RBPMS2: variants seen among roughly 807,000 people sequenced by gnomAD.
RBPMS2 encodes RNA binding protein, mRNA processing factor 2, also known as RNA-binding protein with multiple splicing 2.
A neutral mutation model predicts 25.7 loss-of-function variants in RBPMS2; 14 were observed. That is an observed-to-expected ratio of 0.55 (90% CI 0.36 to 0.85). The LOEUF is 0.85. Among genes scored for constraint, RBPMS2 ranks in the 40% least tolerant of loss-of-function variants. The probability of loss-of-function intolerance (pLI) is 0.01; values close to 1 mark genes in which losing one functional copy is unlikely to be tolerated. For missense variants in RBPMS2, 252 were observed against 283.4 expected, an observed-to-expected ratio of 0.89 and a Z score of 0.80; for synonymous variants, 127 against 115.6, an observed-to-expected ratio of 1.10 and a Z score of -0.63.
At chr15:64,768,170 C>T (rs1351496266) in intron 1 of RBPMS2, among the ~76,000 whole-genome samples, 2 of 152,156 alleles carry the variant, frequency 1.3e-5, no homozygotes, top group Non-Finnish European at 2.9e-5. Flanking sequence ...AAAGTAGTCA[C>T]GCCCAGGTAC....
intron 1 of RBPMS2, among the ~76,000 whole-genome samples, chr15:64,766,587 G>T (rs376510308): frequency 2.0e-5 from 3 of 151,054 alleles, no homozygotes; most frequent in Admixed American, 6.6e-5. Context: ...ACTGCATGAC[G>T]CAATCTCAGC....
chr15:64,759,417 C>T (rs940559716), intron 1 of RBPMS2, among the ~76,000 whole-genome samples: 14 of 152,188 alleles, frequency 9.2e-5, no homozygotes, highest in African/African-American at 3.4e-4. Flanking sequence ...AATGTTCTTC[C>T]TCCACAGCCC....
chr15:64,745,495 T>C (rs758036547), intron 6 of RBPMS2, among the ~76,000 whole-genome samples: 3 of 152,154 alleles, frequency 2.0e-5, no homozygotes. Context: ...AGGTCACTGG[T>C]AAATGGGTGA....
rs1365628745 is a variant in RBPMS2, at chr15:64,774,744, C to G, written c.87+489G>C. On this transcript the variant is annotated intron_variant, in intron 1 of 7. Transcript: ENST00000300069. ...GCAGGAACCGAGGAGCCGGCCGGCC[C>G]AGGCCTCCAAGGTCACGGGGAGGGG... Among the ~76,000 whole-genome samples, 5 of 16,088 alleles carry G rather than the reference C, an allele frequency of 3.1e-4. No homozygotes were observed. In the East Asian group the frequency reaches 0.016, roughly 50 times the overall value. 10.6% of individuals were successfully genotyped at this position (16,088 alleles called of 152,430 possible).
intron 6 of RBPMS2, among the ~76,000 whole-genome samples, chr15:64,744,617 C>T (rs1359553022): frequency 6.8e-6 from 1 of 147,690 alleles, no homozygotes; most frequent in African/African-American, 2.5e-5. Flanking sequence ...GAAGTACACA[C>T]AAGGATATCC....
intron 1 of RBPMS2, among the ~76,000 whole-genome samples, chr15:64,773,732 G>A (rs2083907635): frequency 6.6e-6 from 1 of 151,968 alleles, no homozygotes; most frequent in Non-Finnish European, 1.5e-5. Flanking sequence ...CAGCTTTATA[G>A]GAGACATGCT....
At chr15:64,741,077 T>A (rs1024283043) in intron 7 of RBPMS2, 77 bp from the exon 8 acceptor site, 4 of 951,542 alleles carry the variant, frequency 4.2e-6, no homozygotes, top group South Asian at 3.0e-5. Flanking sequence ...TGGGCTCGGC[T>A]AAGCTCTTGA....
intron 1 of RBPMS2, chr15:64,762,286 C>CT: frequency 2.1e-6 from 1 of 473,900 alleles, no homozygotes; most frequent in South Asian, 1.6e-5. Context: ...ACGAGACTGA[C>CT]TGACAGACTG....
chr15:64,750,048 C>A (rs2083661147), intron 3 of RBPMS2, among the ~76,000 whole-genome samples: 1 of 150,754 alleles, frequency 6.6e-6, no homozygotes. Flanking sequence ...AAGAGCAAAA[C>A]TCCATCTCAA....
intron 1 of RBPMS2, among the ~76,000 whole-genome samples, chr15:64,752,305 G>A (rs1237143566): frequency 6.6e-6 from 1 of 152,098 alleles, no homozygotes; most frequent in Non-Finnish European, 1.5e-5. Flanking sequence ...CCTCCTGGTA[G>A]AGAGCCTCCA....
intron 1 of RBPMS2, among the ~76,000 whole-genome samples, chr15:64,771,466 T>C (rs2083892607): frequency 6.6e-6 from 1 of 152,152 alleles, no homozygotes; most frequent in African/African-American, 2.4e-5. Context: ...ATGGACCACT[T>C]GAGGTCAGGA....
chr15:64,753,424 AG>A (rs1340973678), intron 1 of RBPMS2, among the ~76,000 whole-genome samples: 6 of 152,176 alleles, frequency 3.9e-5, no homozygotes, highest in African/African-American at 1.4e-4. Context: ...GGCTTGTCTC[AG>A]GAAGCTGGAG....
In RBPMS2 at chr15:64,770,963, C is replaced by T. The variant is rs1425338735; in HGVS notation, c.87+4270G>A. On this transcript the variant is annotated intron_variant, in intron 1 of 7. Transcript: ENST00000300069. ...AAGCAGCAGCCCTGTCCCAGCCACA[C>T]TGGGATGAGGTGGAAGGGCAGGGAA... is the stretch of plus-strand genomic sequence containing the variant. 3.3e-5 allele frequency among the ~76,000 whole-genome samples: 5 copies of T among 152,302 alleles called. No homozygotes were observed. The South Asian group carries it at 6.2e-4, about 19-fold the overall frequency.
intron 1 of RBPMS2, among the ~76,000 whole-genome samples, chr15:64,774,825 C>T (rs1221902765): frequency 1.3e-5 from 2 of 151,524 alleles, no homozygotes; most frequent in Non-Finnish European, 1.5e-5. Context: ...GTGCTAATCC[C>T]GCTCCGCTCC....
chr15:64,769,816 G>A (rs1323845148), intron 1 of RBPMS2, among the ~76,000 whole-genome samples: 2 of 152,164 alleles, frequency 1.3e-5, no homozygotes, highest in Non-Finnish European at 1.5e-5. Flanking sequence ...CAGCCCAAAG[G>A]AAACTAGTCC....
intron 1 of RBPMS2, among the ~76,000 whole-genome samples, chr15:64,774,262 G>A (rs1387409694): frequency 6.6e-6 from 1 of 152,222 alleles, no homozygotes; most frequent in Non-Finnish European, 1.5e-5. Flanking sequence ...CCAGGGCAGG[G>A]GCAGGAAGGC....
At chr15:64,751,467 C>G in intron 2 of RBPMS2, 94 bp downstream of exon 2, 1 of 1,048,792 alleles carries the variant, frequency 9.5e-7, no homozygotes, top group South Asian at 1.3e-5. Flanking sequence ...CGCCTTCCCG[C>G]ATCATCCTGC....
chr15:64,746,816 G>A (rs1209282090), intron 6 of RBPMS2, among the ~76,000 whole-genome samples: 1 of 152,218 alleles, frequency 6.6e-6, no homozygotes, highest in Non-Finnish European at 1.5e-5. Flanking sequence ...TACAGATGGG[G>A]ACACAGAGGT....
intron 1 of RBPMS2, among the ~76,000 whole-genome samples, chr15:64,771,500 T>C (rs2083892859): frequency 6.6e-6 from 1 of 152,088 alleles, no homozygotes; most frequent in Non-Finnish European, 1.5e-5. Context: ...CTGGCCAACA[T>C]GGTGAAACCC....
Sources: allele counts gnomAD v4.1 joint callset (sites outside exome capture counted in the v4.1 genomes callset), GRCh38; gene constraint gnomAD v4.1.1; transcripts MANE v1.5; gene names NCBI Gene and HGNC (gene_info 2026-07-23, HGNC 2026-07-21).